POTEJ: variants seen among roughly 807,000 people sequenced by gnomAD.
POTEJ encodes the protein POTE ankyrin domain family, member J.
Under a neutral mutation model 69.0 loss-of-function variants are expected in POTEJ, and 11 were observed. The ratio of observed to expected loss-of-function variants is 0.16; its 90% confidence interval spans 0.10 to 0.26. The LOEUF (loss-of-function observed/expected upper bound fraction) is 0.26. Ranked by LOEUF, POTEJ falls within the 10% of genes least tolerant of loss-of-function variation. The pLI is 1.00. For synonymous variants in POTEJ, 117 were observed against 381.1 expected, an observed-to-expected ratio of 0.31 and a Z score of 8.07; for missense variants, 327 against 1,045.5, an observed-to-expected ratio of 0.31 and a Z score of 9.48.
In POTEJ at chr2:130,613,398, A is replaced by ATG. The variant is rs1459762256; in HGVS notation, c.410+1457_410+1458insGT. Among the ~76,000 whole-genome samples the ATG allele has an allele frequency of 2.1e-5, 3 of 142,860 alleles. No homozygotes were observed. The East Asian group carries it at 6.0e-4, about 28-fold the overall frequency. The allele number at this position is 142,860 out of a possible 152,430, so 93.7% of individuals were successfully genotyped here. A position where few individuals can be genotyped will look rare whatever the true frequency, so the allele number is the denominator to read the frequency against. ...TGTGTGTGTGTGTATATATATATAT[A>ATG]TATATATATATACTTTTTTTTTTGG... is the stretch of plus-strand genomic sequence containing the variant. On this transcript the variant is annotated intron_variant, in intron 1 of 14. Transcript: ENST00000409602.
At chr2:130,639,492 C>T (rs1445021694) in intron 10 of POTEJ, among the ~76,000 whole-genome samples, 1 of 152,298 alleles carries the variant, frequency 6.6e-6, no homozygotes, top group Non-Finnish European at 1.5e-5. Flanking sequence ...TGCTCTGCTA[C>T]CATTTGCCAA....
chr2:130,640,796 A>C (rs1197087377), intron 10 of POTEJ, among the ~76,000 whole-genome samples: 1 of 152,200 alleles, frequency 6.6e-6, no homozygotes, highest in Non-Finnish European at 1.5e-5. Flanking sequence ...TCTGTTTCTG[A>C]GGCTGAGGAG....
chr2:130,619,886 C>G (rs1685489354), intron 3 of POTEJ, among the ~76,000 whole-genome samples, 159 bp from the exon 4 acceptor site: 1 of 151,828 alleles, frequency 6.6e-6, no homozygotes, highest in Non-Finnish European at 1.5e-5. Flanking sequence ...AGGGAAGGAG[C>G]AGCGTGTGGG....
chr2:130,652,009 C>G (rs1686826043), intron 13 of POTEJ, among the ~76,000 whole-genome samples: 2 of 133,874 alleles, frequency 1.5e-5, no homozygotes, highest in Admixed American at 1.4e-4. Flanking sequence ...TGTTTCTATG[C>G]AAATCTCATG....
chr2:130,639,840 C>T (rs1237819238), intron 10 of POTEJ, among the ~76,000 whole-genome samples: 4 of 152,246 alleles, frequency 2.6e-5, no homozygotes, highest in Non-Finnish European at 5.9e-5. Context: ...CACTTGTCCA[C>T]TTAACAAATA....
rs554815165 is a variant in POTEJ, at chr2:130,657,043, C to G, written c.2283C>G (p.Pro761=). Residue 761 remains proline, a synonymous_variant, in exon 15 of 15, where the codon CCC becomes CCG. Coordinates refer to ENST00000409602, the MANE Select transcript of POTEJ (RefSeq NM_001277083.2). ...TCTACAACGAGCTGCGTGTGGCCCC[C>G]GAGGAGCACCCCATCCTGCTGACCG... ...HTFYNELRVA[P]EEHPILLTEA... The G allele has an allele frequency of 1.9e-6, 3 of 1,546,756 alleles. No homozygotes were observed. Among genetic ancestry groups the G allele is most frequent in the Non-Finnish European group, 2.6e-6 (3 of 1,137,646 alleles).
rs1173908146 is a variant in POTEJ, at chr2:130,644,625, T to A, written c.1440+572T>A. The stretch of plus-strand genomic sequence containing the variant: ...AATTTAAAATACTCTTATTTTAAAA[T>A]ATTCTTATCTGCCTTCTTGATTAGC... On this transcript the variant is annotated intron_variant, in intron 11 of 14. Transcript: ENST00000409602. Among the ~76,000 whole-genome samples, 4 of 150,902 alleles carry A rather than the reference T, an allele frequency of 2.7e-5. No individual in the cohort carries two copies. The East Asian group carries it at 7.8e-4, about 29-fold the overall frequency.
At chr2:130,639,103 G>T (rs1359575723) in intron 10 of POTEJ, among the ~76,000 whole-genome samples, 1 of 152,308 alleles carries the variant, frequency 6.6e-6, no homozygotes. Flanking sequence ...GCAGAGTAGA[G>T]GCTGCAATAT....
intron 13 of POTEJ, among the ~76,000 whole-genome samples, chr2:130,649,545 T>C (rs1269255491): frequency 1.3e-5 from 2 of 152,074 alleles, no homozygotes; most frequent in South Asian, 2.1e-4. Context: ...CTTTCATCAA[T>C]TCTTATCTCA....
chr2:130,647,036 T>G (rs1331794441), intron 13 of POTEJ, among the ~76,000 whole-genome samples: 1 of 150,342 alleles, frequency 6.7e-6, no homozygotes, highest in Non-Finnish European at 1.5e-5. Context: ...TAAGGACATT[T>G]ATTATAGTAT....
chr2:130,612,793 C>T (rs1260182454), intron 1 of POTEJ, among the ~76,000 whole-genome samples: 1 of 147,756 alleles, frequency 6.8e-6, no homozygotes, highest in East Asian at 1.9e-4. Context: ...AAGATGTGAG[C>T]TTTTTCTATT....
intron 10 of POTEJ, among the ~76,000 whole-genome samples, chr2:130,639,882 T>C (rs1355876477): frequency 6.6e-6 from 1 of 152,258 alleles, no homozygotes; most frequent in African/African-American, 2.4e-5. Flanking sequence ...ACTAAGCAGT[T>C]TTTCTAAGGC....
intron 1 of POTEJ, among the ~76,000 whole-genome samples, chr2:130,613,287 T>C (rs1486681426): frequency 8.9e-5 from 9 of 101,566 alleles, no homozygotes; most frequent in Non-Finnish European, 4.3e-5. Context: ...TATGTATATA[T>C]ACATATATAT....
At position 130,643,448 on chromosome 2, in the gene POTEJ, G is replaced by A. The variant is rs1455035869; in HGVS notation, c.1370-535G>A. ...GCAGGAGAATCACTTGAACCAGGGA[G>A]GCGGAGGTTGCAGTGAGCTGATCAT... On this transcript the variant is annotated intron_variant, in intron 10 of 14. Coordinates refer to ENST00000409602, the MANE Select transcript of POTEJ (RefSeq NM_001277083.2). Among the ~76,000 whole-genome samples the A allele has an allele frequency of 1.5e-5, 2 of 136,456 alleles. 1 individual carries two copies. The highest frequency in any genetic ancestry group is 5.5e-5 in the African/African-American group (2 of 36,144). 89.5% of individuals were successfully genotyped at this position (136,456 alleles called of 152,430 possible).
chr2:130,652,131 T>C (rs1193407973), intron 13 of POTEJ, among the ~76,000 whole-genome samples: 36 of 136,266 alleles, frequency 2.6e-4, no homozygotes, highest in Admixed American at 1.7e-3. Context: ...TCACAAGAGC[T>C]GACGGTTTCA....
chr2:130,614,149 T>C (rs1573967134), intron 1 of POTEJ, among the ~76,000 whole-genome samples: 1 of 102,698 alleles, frequency 9.7e-6, no homozygotes. Context: ...AGAGTGAGAC[T>C]CCATCTCAAA....
intron 10 of POTEJ, among the ~76,000 whole-genome samples, chr2:130,643,586 G>A (rs570990267): frequency 2.8e-4 from 40 of 144,984 alleles, no homozygotes; most frequent in Admixed American, 1.2e-3. Flanking sequence ...TTAGATATTA[G>A]GAAGATGTTG....
In POTEJ at chr2:130,613,811, A is replaced by C. The variant is rs377358173; in HGVS notation, c.410+1869A>C. ...AGGAAAATACAGTGTTCCTGGTAGA[A>C]GAAGGAATTTAAGTTAGAAGAGGAA... On this transcript the variant is annotated intron_variant, in intron 1 of 14. Coordinates refer to ENST00000409602, the MANE Select transcript of POTEJ (RefSeq NM_001277083.2). Among the ~76,000 whole-genome samples, 14 of 125,428 alleles carry C rather than the reference A, an allele frequency of 1.1e-4. No individual in the cohort carries two copies. The East Asian group carries it at 1.6e-3, about 14-fold the overall frequency. 82.3% of individuals were successfully genotyped at this position (125,428 alleles called of 152,430 possible). A position where few individuals can be genotyped will look rare whatever the true frequency, so the allele number is the denominator to read the frequency against.
intron 9 of POTEJ, among the ~76,000 whole-genome samples, chr2:130,637,708 C>T (rs1273842204): frequency 6.6e-6 from 1 of 152,184 alleles, no homozygotes; most frequent in Admixed American, 6.5e-5. Context: ...TTAGAGAATG[C>T]CAACTTGCAA....
Sources: allele counts gnomAD v4.1 joint callset (sites outside exome capture counted in the v4.1 genomes callset), GRCh38; gene constraint gnomAD v4.1.1; transcripts MANE v1.5; gene names NCBI Gene and HGNC (gene_info 2026-07-23, HGNC 2026-07-21).